Variants in ABCA13 observed in about 807,000 individuals in gnomAD.
The protein encoded by ABCA13 is ATP-binding cassette sub-family A member 13.
ABCA13 carries 476 observed loss-of-function variants against 478.7 expected under a neutral mutation model. The ratio of observed to expected loss-of-function variants is 0.99; its 90% confidence interval spans 0.92 to 1.07. The LOEUF (loss-of-function observed/expected upper bound fraction) is 1.07, where lower values mean the gene tolerates loss of function less well. ABCA13 is among the 50% of genes least tolerant of loss of function. The pLI is 0.00. For synonymous variants in ABCA13, 2,252 were observed against 2,158.9 expected, an observed-to-expected ratio of 1.04 and a Z score of -1.20; for missense variants, 6,060 against 5,910.6, an observed-to-expected ratio of 1.03 and a Z score of -0.83.
chr7:48,410,092 T>TTAAAAAAA, intron 39 of ABCA13, among the ~76,000 whole-genome samples: 1 of 58,596 alleles, frequency 1.7e-5, no homozygotes, highest in Non-Finnish European at 3.3e-5. Context: ...AGACTCCATC[T>TTAAAAAAA]CAAAAAAAAA....
At chr7:48,197,543 A>G (rs896544211) in intron 2 of ABCA13, among the ~76,000 whole-genome samples, 4 of 152,060 alleles carry the variant, frequency 2.6e-5, no homozygotes, top group African/African-American at 9.7e-5. Flanking sequence ...AGGGAAGGTA[A>G]ATGATAGAAA....
intron 59 of ABCA13, among the ~76,000 whole-genome samples, chr7:48,630,953 C>T (rs1382164514): frequency 6.6e-6 from 1 of 150,630 alleles, no homozygotes; most frequent in Non-Finnish European, 1.5e-5. Flanking sequence ...GCTTATAGAT[C>T]TTCTTTTGAG....
chr7:48,507,887 T>C lies in ABCA13; in HGVS notation c.13362T>C (p.Arg4454=), dbSNP rs559723151. The C allele has an allele frequency of 6.2e-7, 1 of 1,610,034 alleles. No individual in the cohort carries two copies. Among genetic ancestry groups the C allele is most frequent in the African/African-American group, 1.3e-5 (1 of 75,002 alleles). ...CCACCCGCAGCCTGGAGAGCATCCGTCAGTGTGGAGTGGCCCTCTGCATCG... is the reference window on the plus strand; with the variant it reads ...CCACCCGCAGCCTGGAGAGCATCCGCCAGTGTGGAGTGGCCCTCTGCATCG... ...LNEDKILESI[R]QCGVALCIVL... The change falls in exon 50 of 62, where the codon CGT becomes CGC. Residue 4454 remains arginine (R), a synonymous_variant. Transcript: ENST00000435803.
At chr7:48,559,102 G>A (rs1444169661) in intron 55 of ABCA13, among the ~76,000 whole-genome samples, 1 of 152,196 alleles carries the variant, frequency 6.6e-6, no homozygotes, top group African/African-American at 2.4e-5. Flanking sequence ...CCATGTTTGT[G>A]TCATTCCCTT....
intron 1 of ABCA13, 60 bp downstream of exon 1, chr7:48,171,612 C>T (rs1794081279): frequency 6.6e-7 from 1 of 1,507,800 alleles, no homozygotes; most frequent in Non-Finnish European, 8.9e-7. Context: ...AGATCAGGGT[C>T]TATTCTTTCC....
intron 2 of ABCA13, among the ~76,000 whole-genome samples, chr7:48,197,578 C>T (rs1047039855): frequency 2.0e-5 from 3 of 151,424 alleles, no homozygotes; most frequent in East Asian, 1.9e-4. Context: ...GCAGGAGAAA[C>T]GGGCCGGTAA....
chr7:48,303,650 C>T (rs554218465), intron 23 of ABCA13, among the ~76,000 whole-genome samples: 4 of 152,136 alleles, frequency 2.6e-5, no homozygotes, highest in South Asian at 2.1e-4. Context: ...TATAGGTTTA[C>T]GGCCTTATTT....
At chr7:48,494,760 T>C (rs1830131913) in intron 48 of ABCA13, among the ~76,000 whole-genome samples, 1 of 152,002 alleles carries the variant, frequency 6.6e-6, no homozygotes, top group African/African-American at 2.4e-5. Flanking sequence ...AATGCCAGGC[T>C]GAGCTGCAGT....
At chr7:48,270,909 A>T (rs1034567716) in intron 16 of ABCA13, among the ~76,000 whole-genome samples, 1 of 152,222 alleles carries the variant, frequency 6.6e-6, no homozygotes, top group African/African-American at 2.4e-5. Flanking sequence ...TATGGTTGAC[A>T]TCACAACTCA....
chr7:48,413,605 T>G (rs960229589), intron 41 of ABCA13, among the ~76,000 whole-genome samples: 5 of 152,180 alleles, frequency 3.3e-5, no homozygotes, highest in Non-Finnish European at 7.3e-5. Context: ...TTAAAATTTT[T>G]AAAAATCTGC....
intron 55 of ABCA13, among the ~76,000 whole-genome samples, chr7:48,567,088 G>T (rs576253398): frequency 1.3e-5 from 2 of 152,156 alleles, no homozygotes; most frequent in Non-Finnish European, 2.9e-5. Context: ...AAGATACCCT[G>T]CTCTGAAAGT....
chr7:48,498,748 A>G (rs903562382), intron 48 of ABCA13, among the ~76,000 whole-genome samples: 3 of 152,238 alleles, frequency 2.0e-5, no homozygotes, highest in African/African-American at 4.8e-5. Context: ...TACTGTAGAC[A>G]TATTGTCCAT....
At chr7:48,293,204 CCA>C (rs1554419806) in intron 20 of ABCA13, among the ~76,000 whole-genome samples, 6 of 131,516 alleles carry the variant, frequency 4.6e-5, no homozygotes, top group Non-Finnish European at 6.6e-5. Flanking sequence ...CCCCCCCCCG[CCA>C]CACACACACT....
Position 48,372,188 on chromosome 7 carries a change from G to A in ABCA13, c.10824G>A (p.Val3608=). The change falls in exon 33 of 62, where the codon GTG becomes GTA. Residue 3608 remains valine, a synonymous_variant. Coordinates refer to ENST00000435803, the MANE Select transcript of ABCA13 (RefSeq NM_152701.5). ...QIEEYMRMMG[V]HPVIHFLAWF... ...GGTAGTATATGCGGATGATGGGAGT[G>A]CATCCAGTGATCCATTTCCTGGCCT... 2 of 1,613,344 alleles carry A rather than the reference G, an allele frequency of 1.2e-6. No homozygotes were observed. Among genetic ancestry groups the A allele is most frequent in the East Asian group, 2.2e-5 (1 of 44,846 alleles).
At chr7:48,636,529 C>T (rs1222245172) in intron 59 of ABCA13, among the ~76,000 whole-genome samples, 1 of 152,150 alleles carries the variant, frequency 6.6e-6, no homozygotes, top group East Asian at 1.9e-4. Context: ...TCTATGAACT[C>T]CTGGTGAGTC....
chr7:48,456,014 G>C (rs1825634059), intron 43 of ABCA13, among the ~76,000 whole-genome samples: 1 of 152,088 alleles, frequency 6.6e-6, no homozygotes, highest in Non-Finnish European at 1.5e-5. Flanking sequence ...CCCGGCCCTT[G>C]CCGGGCACGG....
intron 17 of ABCA13, among the ~76,000 whole-genome samples, chr7:48,277,159 C>T (rs892390949): frequency 3.3e-5 from 5 of 152,170 alleles, no homozygotes; most frequent in Non-Finnish European, 7.4e-5. Context: ...CCAAGGAAAT[C>T]AGCTTACACA....
At chr7:48,482,902 A>G (rs1234098739) in intron 46 of ABCA13, among the ~76,000 whole-genome samples, 174 bp from the exon 47 acceptor site, 2 of 152,184 alleles carry the variant, frequency 1.3e-5, no homozygotes, top group Non-Finnish European at 2.9e-5. Context: ...GAGCCAGGAA[A>G]CTTGCATCAG....
chr7:48,289,637 G>T (rs2128808460), intron 20 of ABCA13, among the ~76,000 whole-genome samples: 1 of 152,192 alleles, frequency 6.6e-6, no homozygotes, highest in East Asian at 1.9e-4. Flanking sequence ...GGGATTACAG[G>T]CATGAGCCAC....
Sources: allele counts gnomAD v4.1 joint callset (sites outside exome capture counted in the v4.1 genomes callset), GRCh38; gene constraint gnomAD v4.1.1; transcripts MANE v1.5; gene names NCBI Gene and HGNC (gene_info 2026-07-23, HGNC 2026-07-21).